The following OSBPL9 variants were observed in gnomAD, a reference collection of about 807,000 sequenced individuals.
OSBPL9 encodes oxysterol-binding protein-related protein 9.
A neutral mutation model predicts 106.6 loss-of-function variants in OSBPL9; 40 were observed. The observed-to-expected ratio is 0.38, with a 90% CI of 0.29 to 0.49. The LOEUF is 0.49. Ranked by LOEUF, OSBPL9 falls within the 20% of genes least tolerant of loss-of-function variation. The pLI, the probability that OSBPL9 is intolerant of heterozygous loss-of-function variation, is 0.97. For synonymous variants in OSBPL9, 269 were observed against 295.4 expected, an observed-to-expected ratio of 0.91 and a Z score of 0.92; for missense variants, 609 against 887.2, an observed-to-expected ratio of 0.69 and a Z score of 3.98.
intron 1 of OSBPL9, among the ~76,000 whole-genome samples, chr1:51,638,559 TA>T (rs1553155153): frequency 6.6e-6 from 1 of 151,642 alleles, no homozygotes; most frequent in Non-Finnish European, 1.5e-5. Flanking sequence ...TCTACCTGTA[TA>T]AAAAAAATTT....
At chr1:51,734,124 T>C (rs1665116065) in intron 4 of OSBPL9, among the ~76,000 whole-genome samples, 1 of 152,240 alleles carries the variant, frequency 6.6e-6, no homozygotes, top group South Asian at 2.1e-4. Flanking sequence ...ATGGTTTGGT[T>C]GCTCTGTATG....
At chr1:51,701,399 T>C (rs1288245349) in intron 3 of OSBPL9, among the ~76,000 whole-genome samples, 1 of 152,224 alleles carries the variant, frequency 6.6e-6, no homozygotes, top group Non-Finnish European at 1.5e-5. Flanking sequence ...GAGTTCATAC[T>C]GAAACCTCCG....
At chr1:51,596,074 T>C in intron 1 of OSBPL9, among the ~76,000 whole-genome samples, 1 of 151,608 alleles carries the variant, frequency 6.6e-6, no homozygotes, top group African/African-American at 2.4e-5. Context: ...CTGGCCAACA[T>C]GGTGAAACCC....
intron 3 of OSBPL9, among the ~76,000 whole-genome samples, chr1:51,705,379 A>ATG: frequency 5.5e-5 from 2 of 36,390 alleles, no homozygotes; most frequent in African/African-American, 2.7e-4. Flanking sequence ...GGTGTTTCAT[A>ATG]TATATATATA....
At chr1:51,651,142 G>C (rs1646493728) in intron 1 of OSBPL9, among the ~76,000 whole-genome samples, 1 of 152,288 alleles carries the variant, frequency 6.6e-6, no homozygotes, top group Middle Eastern at 3.4e-3. Flanking sequence ...GAGCTAAGGT[G>C]CTTGGAATGA....
chr1:51,550,806 G>A, the OSBPL9 span, among the ~76,000 whole-genome samples: 7 of 152,256 alleles, frequency 4.6e-5, no homozygotes, highest in Non-Finnish European at 1.0e-4. Context: ...GAGCCACTGT[G>A]CCTGGCCCCA....
At chr1:51,733,117 T>C (rs1268654637) in intron 4 of OSBPL9, among the ~76,000 whole-genome samples, 1 of 152,246 alleles carries the variant, frequency 6.6e-6, no homozygotes, top group African/African-American at 2.4e-5. Context: ...TTGTGTGTGC[T>C]ACTACAGCAC....
chr1:51,644,799 G>A (rs925721481), intron 1 of OSBPL9, among the ~76,000 whole-genome samples: 1 of 151,978 alleles, frequency 6.6e-6, no homozygotes, highest in African/African-American at 2.4e-5. Flanking sequence ...CACTTTACTC[G>A]GTCCTCTAAT....
At chr1:51,724,416 T>G (rs1662729010) in intron 4 of OSBPL9, among the ~76,000 whole-genome samples, 1 of 152,074 alleles carries the variant, frequency 6.6e-6, no homozygotes, top group South Asian at 2.1e-4. Flanking sequence ...CCTGAATAGC[T>G]GAGATTACAG....
At chr1:51,527,335 GATGATGATGA>G in the OSBPL9 span, among the ~76,000 whole-genome samples, 39 of 151,226 alleles carry the variant, frequency 2.6e-4, no homozygotes, top group Admixed American at 2.3e-3. Context: ...TGATGGTGAT[GATGATGATGA>G]TGATGATGAT....
chr1:51,752,253 G>A (rs1419854759), intron 8 of OSBPL9, among the ~76,000 whole-genome samples: 2 of 132,774 alleles, frequency 1.5e-5, no homozygotes, highest in Non-Finnish European at 3.2e-5. Context: ...CCCCGCCCCC[G>A]GCTTTAGGGA....
At chr1:51,750,614 G>A (rs954435343) in intron 8 of OSBPL9, among the ~76,000 whole-genome samples, 7 of 152,176 alleles carry the variant, frequency 4.6e-5, no homozygotes, top group Admixed American at 2.0e-4. Context: ...AGTGAACTAC[G>A]TTAGTGGATT....
intron 3 of OSBPL9, among the ~76,000 whole-genome samples, chr1:51,688,649 A>T (rs188082510): frequency 0.012 from 1,863 of 152,290 alleles, 39 homozygotes; most frequent in African/African-American, 0.042. Context: ...AAAATTTTTT[A>T]AAAGAATTTT....
At chr1:51,519,405 T>G in the OSBPL9 span, 3 of 207,110 alleles carry the variant, frequency 1.4e-5, no homozygotes, top group Non-Finnish European at 2.0e-5. Flanking sequence ...CCCGCCCGCC[T>G]GCCCGCCCGC....
chr1:51,610,113 C>T (rs534260769), intron 2 of OSBPL9, among the ~76,000 whole-genome samples: 26 of 152,124 alleles, frequency 1.7e-4, no homozygotes, highest in African/African-American at 1.7e-4. Flanking sequence ...TCATTAAGGA[C>T]GCTGTGAGAT....
At chr1:51,552,557 C>G in the OSBPL9 span, among the ~76,000 whole-genome samples, 1 of 152,106 alleles carries the variant, frequency 6.6e-6, no homozygotes, top group Admixed American at 6.6e-5. Flanking sequence ...TAGATATAAT[C>G]CCAAAGTAAA....
chr1:51,558,078 A>C, the OSBPL9 span, among the ~76,000 whole-genome samples: 1 of 152,194 alleles, frequency 6.6e-6, no homozygotes, highest in African/African-American at 2.4e-5. Flanking sequence ...CAGGAGATCA[A>C]GACCATCCTG....
At chr1:51,708,770 G>GT (rs1397881879) in intron 3 of OSBPL9, among the ~76,000 whole-genome samples, 1 of 151,840 alleles carries the variant, frequency 6.6e-6, no homozygotes, top group African/African-American at 2.4e-5. Flanking sequence ...AATTTTAGAA[G>GT]TTAAACACTT....
intron 1 of OSBPL9, among the ~76,000 whole-genome samples, chr1:51,618,373 G>A (rs549309969): frequency 3.5e-4 from 54 of 152,280 alleles, no homozygotes; most frequent in African/African-American, 1.3e-3. Flanking sequence ...GATATGGAGA[G>A]TAGGTGGTAT....
Sources: allele counts gnomAD v4.1 joint callset (sites outside exome capture counted in the v4.1 genomes callset), GRCh38; gene constraint gnomAD v4.1.1; transcripts MANE v1.5; gene names NCBI Gene and HGNC (gene_info 2026-07-23, HGNC 2026-07-21).